The following AGO3 variants were observed in gnomAD, a reference collection of about 807,000 sequenced individuals.
The protein encoded by AGO3 is protein argonaute-3.
Under a neutral mutation model 105.5 loss-of-function variants are expected in AGO3, and 16 were observed. The ratio of observed to expected loss-of-function variants is 0.15; its 90% CI spans 0.10 to 0.23. AGO3 has a LOEUF of 0.23. Ranked by LOEUF, AGO3 falls within the 10% of genes least tolerant of loss-of-function variation. The probability of loss-of-function intolerance (pLI) is 1.00; values close to 1 mark genes in which losing one functional copy is unlikely to be tolerated. For synonymous variants in AGO3, 340 were observed against 367.3 expected (o/e 0.93, Z 0.85); for missense variants, 534 against 1,088.0 (o/e 0.49, Z 7.16).
chr1:36,047,954 A>G (rs1426012210), intron 17 of AGO3, among the ~76,000 whole-genome samples: 2 of 152,168 alleles, frequency 1.3e-5, no homozygotes, highest in East Asian at 1.9e-4. Context: ...TAGGAGGCTC[A>G]AAAGTCTCCA....
chr1:35,947,712 G>A (rs1646393033), intron 2 of AGO3, among the ~76,000 whole-genome samples: 1 of 152,134 alleles, frequency 6.6e-6, no homozygotes. Context: ...TCTTAGGCTA[G>A]TCTTGGTTTT....
rs1643063530 is a variant in AGO3 at position 36,064,468 on chromosome 1, A to G, written c.*8723A>G. On this transcript the variant is annotated 3_prime_UTR_variant, in exon 19 of 19. Transcript: ENST00000373191. ...AATACTTGCATTGTATTTTTACATC[A>G]TGAATTTGCTTGTTAAGAAATTTCT... is the stretch of plus-strand genomic sequence containing the variant. The G allele has an allele frequency of 1.3e-5, 2 of 152,360 alleles. No homozygotes were observed. Among genetic ancestry groups the G allele is most frequent in the South Asian group, 2.1e-4 (1 of 4,834 alleles). 9.4% of individuals were successfully genotyped at this position (152,360 alleles called of 1,614,324 possible).
At chr1:35,986,734 A>T (rs2148789667) in intron 5 of AGO3, among the ~76,000 whole-genome samples, 1 of 148,104 alleles carries the variant, frequency 6.8e-6, no homozygotes, top group African/African-American at 2.5e-5. Context: ...AGTGGCTCAG[A>T]CCTGTAATCC....
At chr1:36,036,127 T>C in intron 13 of AGO3, 50 bp from the exon 14 acceptor site, 1 of 1,554,282 alleles carries the variant, frequency 6.4e-7, no homozygotes, top group Non-Finnish European at 8.9e-7. Context: ...AACAGATAAA[T>C]GGATACTGAA....
At chr1:35,993,285 A>C (rs1647857753) in intron 5 of AGO3, among the ~76,000 whole-genome samples, 1 of 152,212 alleles carries the variant, frequency 6.6e-6, no homozygotes, top group Admixed American at 6.5e-5. Context: ...AATAAAGATT[A>C]GAGCAAAATT....
rs146323919 is a variant in AGO3, at chr1:35,988,743, A to C, written c.658+15232A>C. ...TGAATAATGCTGCAGTGAACATGGGAGTGCAGGGGTCTCCTTGAGATAGTG... is the reference window on the plus strand; with the variant it reads ...TGAATAATGCTGCAGTGAACATGGGCGTGCAGGGGTCTCCTTGAGATAGTG... On this transcript the variant is annotated intron_variant, in intron 5 of 18. Transcript: ENST00000373191. Among the ~76,000 whole-genome samples the C allele has an allele frequency of 4.5e-3, 686 of 152,122 alleles. 3 individuals carry two copies. Among genetic ancestry groups the C allele is most frequent in the African/African-American group, 0.016 (657 of 41,526 alleles).
rs180983029 is a variant in AGO3, at chr1:35,938,637, G to A, written c.20-7055G>A. On this transcript the variant is annotated intron_variant, in intron 1 of 18. Coordinates refer to ENST00000373191, the MANE Select transcript of AGO3 (RefSeq NM_024852.4). ...TTGATAGTGGTTTAGATTTTTTCCA[G>A]TTTTTTGTTATTATGACTAAAACTT... 3.5e-3 allele frequency among the ~76,000 whole-genome samples: 500 copies of A among 143,506 alleles called. 1 individual carries two copies. Among genetic ancestry groups the A allele is most frequent in the Non-Finnish European group, 6.3e-3 (396 of 62,904 alleles). The allele number at this position is 143,506 out of a possible 152,430, so 94.1% of individuals were successfully genotyped here.
chr1:36,034,419 G>A (rs941815444), intron 13 of AGO3, 86 bp downstream of exon 13: 4 of 935,374 alleles, frequency 4.3e-6, no homozygotes, highest in Non-Finnish European at 5.7e-6. Context: ...TATAAGGGCT[G>A]TGTAAGAGAC....
At chr1:36,035,536 G>A (rs274735) in intron 13 of AGO3, among the ~76,000 whole-genome samples, 141,633 of 152,312 alleles carry the variant, frequency 0.93, 65,920 homozygotes, top group East Asian at 1. Flanking sequence ...CTTCCAGTCT[G>A]AAGTGTAATG....
intron 17 of AGO3, among the ~76,000 whole-genome samples, chr1:36,049,339 G>A (rs1642604968): frequency 6.6e-6 from 1 of 152,054 alleles, no homozygotes; most frequent in Admixed American, 6.6e-5. Flanking sequence ...CCAACATGGT[G>A]AAACCCCATC....
intron 3 of AGO3, among the ~76,000 whole-genome samples, chr1:35,967,526 T>C (rs1411737133): frequency 1.3e-5 from 2 of 152,012 alleles, no homozygotes; most frequent in African/African-American, 2.4e-5. Context: ...GTGATTCTTG[T>C]ACCTCAGCGT....
At chr1:35,992,554 G>A (rs1647777212) in intron 5 of AGO3, among the ~76,000 whole-genome samples, 1 of 152,074 alleles carries the variant, frequency 6.6e-6, no homozygotes, top group South Asian at 2.1e-4. Flanking sequence ...TTTGAGAAAG[G>A]AATGAAATGA....
intron 17 of AGO3, among the ~76,000 whole-genome samples, chr1:36,052,446 T>C (rs1642755957): frequency 6.6e-6 from 1 of 151,996 alleles, no homozygotes; most frequent in Admixed American, 6.6e-5. Flanking sequence ...AGATACAAAA[T>C]TACAACTAGA....
intron 5 of AGO3, among the ~76,000 whole-genome samples, chr1:35,980,948 G>C (rs1251176145): frequency 6.6e-6 from 1 of 151,968 alleles, no homozygotes; most frequent in Non-Finnish European, 1.5e-5. Context: ...TTTACCATGT[G>C]CTCATTGCAT....
At chr1:36,009,251 T>G in intron 8 of AGO3, 2 of 820,324 alleles carry the variant, frequency 2.4e-6, no homozygotes, top group Non-Finnish European at 3.6e-6. Context: ...CTGTTAACAT[T>G]TTGGTATACT....
chr1:35,956,684 A>G (rs1023158824), intron 2 of AGO3, among the ~76,000 whole-genome samples: 1 of 145,788 alleles, frequency 6.9e-6, no homozygotes, highest in Non-Finnish European at 1.5e-5. Context: ...TCTGTCGCCC[A>G]GGTTGGAATT....
chr1:36,010,115 A>G (rs1640529589), intron 9 of AGO3, among the ~76,000 whole-genome samples: 1 of 151,320 alleles, frequency 6.6e-6, no homozygotes, highest in South Asian at 2.1e-4. Context: ...ATTTTTTTGT[A>G]TTTTTAGTAG....
chr1:36,053,620 C>G lies in AGO3; in HGVS notation c.2275-1326C>G, dbSNP rs372882792. 9.2e-5 allele frequency among the ~76,000 whole-genome samples: 14 copies of G among 152,164 alleles called. No individual in the cohort carries two copies. The East Asian group carries it at 1.5e-3, about 17-fold the overall frequency. ...TTTGAGACAGGGTCTTGCTGTGTTG[C>G]CCAGGCTGGAGTGCAGTGGCACAAT... On this transcript the variant is annotated intron_variant, in intron 17 of 18. Coordinates refer to ENST00000373191, the MANE Select transcript of AGO3 (RefSeq NM_024852.4).
intron 13 of AGO3, 58 bp from the exon 14 acceptor site, chr1:36,036,119 C>A: frequency 6.6e-7 from 1 of 1,513,284 alleles, no homozygotes. Flanking sequence ...TTGTGTGAAA[C>A]AGATAAATGG....
Sources: gnomAD v4.1 joint callset for allele counts (sites outside exome capture counted in the v4.1 genomes callset) on GRCh38, gnomAD v4.1.1 for gene constraint, MANE v1.5 for transcripts, NCBI Gene and HGNC (gene_info 2026-07-23, HGNC 2026-07-21) for gene names.